Variants in VANGL1 observed in about 807,000 individuals in gnomAD.
The protein encoded by VANGL1 is vang-like protein 1.
Under a neutral mutation model 48.4 loss-of-function variants are expected in VANGL1, and 18 were observed. The ratio of observed to expected loss-of-function variants is 0.37; its 90% confidence interval spans 0.26 to 0.55. The LOEUF (loss-of-function observed/expected upper bound fraction) is 0.55. Ranked by LOEUF, VANGL1 falls within the 20% of genes least tolerant of loss-of-function variation. The pLI, the probability that VANGL1 is intolerant of heterozygous loss-of-function variation, is 0.81. For missense variants in VANGL1, 667 were observed against 675.8 expected, an observed-to-expected ratio of 0.99 and a Z score of 0.14; for synonymous variants, 257 against 261.8, an observed-to-expected ratio of 0.98 and a Z score of 0.18.
chr1:115,653,823 T>C (rs1218970848), intron 2 of VANGL1, among the ~76,000 whole-genome samples: 1 of 152,210 alleles, frequency 6.6e-6, no homozygotes, highest in Non-Finnish European at 1.5e-5. Flanking sequence ...ATTCAAAAAA[T>C]GTTCCTGGAT....
At chr1:115,684,845 T>G (rs1460218620) in intron 6 of VANGL1, among the ~76,000 whole-genome samples, 1 of 152,162 alleles carries the variant, frequency 6.6e-6, no homozygotes, top group Non-Finnish European at 1.5e-5. Context: ...GCTGCTGGTG[T>G]GGGTGGCTGG....
intron 3 of VANGL1, 32 bp from the exon 4 acceptor site, chr1:115,663,629 T>C (rs762843009): frequency 3.1e-6 from 5 of 1,613,964 alleles, no homozygotes; most frequent in Non-Finnish European, 3.4e-6. Context: ...ATGACCTGTG[T>C]CATGTCATCC....
Position 115,688,647 on chromosome 1 carries a change from G to A in VANGL1, c.1315-2472G>A, listed in dbSNP as rs1211274807. 1.5e-5 allele frequency among the ~76,000 whole-genome samples: 2 copies of A among 137,246 alleles called. 1 individual carries two copies. Among genetic ancestry groups the A allele is most frequent in the African/African-American group, 5.5e-5 (2 of 36,396 alleles). 90.0% of individuals were successfully genotyped at this position (137,246 alleles called of 152,430 possible). A position where few individuals can be genotyped will look rare whatever the true frequency, so the allele number is the denominator to read the frequency against. On this transcript the variant is annotated intron_variant, in intron 7 of 7. Transcript: ENST00000355485. ...ATCCTACCAAATTGCCCTCCTAGGG[G>A]GTGTACTTTTGCATGCTTTGCCTCT...
chr1:115,666,557 C>T (rs1652798148), intron 4 of VANGL1, among the ~76,000 whole-genome samples: 1 of 152,150 alleles, frequency 6.6e-6, no homozygotes, highest in African/African-American at 2.4e-5. Context: ...CTTACCATGA[C>T]CAACAACTGT....
chr1:115,682,271 G>A, intron 4 of VANGL1, 93 bp from the exon 5 acceptor site: 1 of 1,526,414 alleles, frequency 6.6e-7, no homozygotes, highest in Non-Finnish European at 8.9e-7. Flanking sequence ...TTGATGTTGT[G>A]TTCCTTTACC....
In VANGL1 at chr1:115,694,158, A is replaced by G. The variant is rs1160976404; in HGVS notation, c.*2779A>G. 1 of 152,232 alleles carries G rather than the reference A, an allele frequency of 6.6e-6. No individual in the cohort carries two copies. Among genetic ancestry groups the G allele is most frequent in the Non-Finnish European group, 1.5e-5 (1 of 68,040 alleles). The allele number at this position is 152,232 out of a possible 1,614,324, so 9.4% of individuals were successfully genotyped here. A position where few individuals can be genotyped will look rare whatever the true frequency, so the allele number is the denominator to read the frequency against. ...CATTCTCAGAGAGGATTTTAAAGCT[A>G]TATAGTTCATCCATCCTTTGCATTA... On this transcript the variant is annotated 3_prime_UTR_variant, in exon 8 of 8. Transcript: ENST00000355485.
chr1:115,663,207 A>G (rs1570750002), intron 3 of VANGL1, among the ~76,000 whole-genome samples: 1 of 152,118 alleles, frequency 6.6e-6, no homozygotes, highest in South Asian at 2.1e-4. Context: ...TAATACTCCC[A>G]CCTCCAAAAG....
chr1:115,691,262 G>A lies in VANGL1; in HGVS notation c.1458G>A (p.Leu486=). The A allele has an allele frequency of 1.9e-6, 3 of 1,614,052 alleles. No homozygotes were observed. The highest frequency in any genetic ancestry group is 2.5e-6 in the Non-Finnish European group (3 of 1,180,016). The change falls in exon 8 of 8, where the codon TTG becomes TTA. Residue 486 remains leucine (L), a synonymous_variant. Coordinates refer to ENST00000355485, the MANE Select transcript of VANGL1 (RefSeq NM_138959.3). ...RDGIVFVLKC[L]DFSLVVNVKK... ...GAATTGTGTTCGTCCTTAAGTGCTT[G>A]GACTTCAGCCTCGTAGTCAATGTGA...
At chr1:115,684,114 C>T (rs765228221) in intron 6 of VANGL1, 38 bp downstream of exon 6, 2 of 1,551,358 alleles carry the variant, frequency 1.3e-6, no homozygotes, top group Non-Finnish European at 8.7e-7. Context: ...CTCTTACAGA[C>T]TTTTAAATTT....
rs1653432088 is a variant in VANGL1, at chr1:115,682,508, T to G, written c.946+11T>G. The G allele has an allele frequency of 6.2e-7, 1 of 1,614,024 alleles. No individual in the cohort carries two copies. On this transcript the variant is annotated intron_variant, in intron 5 of 7. Coordinates refer to ENST00000355485, the MANE Select transcript of VANGL1 (RefSeq NM_138959.3). Reference sequence around the variant, plus strand: ...TCTACAATGTAGATGGTATGTGCCTTGAAAGGGTGTCCGTGGTGCTCACAG... The same window carrying G: ...TCTACAATGTAGATGGTATGTGCCTGGAAAGGGTGTCCGTGGTGCTCACAG...
rs34059106 is a variant in VANGL1 at position 115,684,037 on chromosome 1, A to C, written c.1040A>C (p.Glu347Ala). The C allele has an allele frequency of 2.9e-3, 4,656 of 1,614,124 alleles. 112 individuals carry two copies. In the African/African-American group the frequency reaches 0.055, roughly 19 times the overall value. ...AGCCACAACGAGTTGTATTATGAAG[A>C]GGCCGAACATGAACGGCGAGTAAAG... Reference protein sequence around the residue: ...DSSHNELYYEEAEHERRVKKR... With the variant: ...DSSHNELYYEAAEHERRVKKR... The change falls in exon 6 of 8, where the codon GAG (glutamate) becomes GCG (alanine). Residue 347 changes from glutamate to alanine, a missense_variant. Coordinates refer to ENST00000355485, the MANE Select transcript of VANGL1 (RefSeq NM_138959.3).
chr1:115,674,892 A>G (rs1653108234), intron 4 of VANGL1, among the ~76,000 whole-genome samples: 3 of 152,194 alleles, frequency 2.0e-5, no homozygotes, highest in Non-Finnish European at 4.4e-5. Flanking sequence ...AGAAGCCACA[A>G]TCAAGTTCAA....
At chr1:115,681,478 C>T (rs552053845) in intron 4 of VANGL1, among the ~76,000 whole-genome samples, 1 of 150,448 alleles carries the variant, frequency 6.6e-6, no homozygotes, top group African/African-American at 2.4e-5. Context: ...CAAGTGGTCT[C>T]AGCGGAGGCT....
At chr1:115,682,604 T>C in intron 5 of VANGL1, 107 bp downstream of exon 5, 1 of 1,526,848 alleles carries the variant, frequency 6.5e-7, no homozygotes, top group Middle Eastern at 1.7e-4. Context: ...CCTACCTTTA[T>C]GGTACATTCT....
In VANGL1 at chr1:115,691,038, G is replaced by GT. The variant is rs1653808535; in HGVS notation, c.1315-80dup. ...TATTTGGAAAAAGTTCTTTATAGAT[G>GT]TGAGAGTGGATAGCCGCCTGGCAGT... On this transcript the variant is annotated intron_variant, in intron 7 of 7. Transcript: ENST00000355485. 25 of 1,602,138 alleles carry GT rather than the reference G, an allele frequency of 1.6e-5. 1 individual carries two copies. The South Asian group carries it at 2.4e-4, about 16-fold the overall frequency.
chr1:115,659,641 G>T lies in VANGL1; in HGVS notation c.72G>T (p.Gly24=). The change falls in exon 3 of 8, where the codon GGG becomes GGT. Residue 24 remains glycine, a splice_region_variant and synonymous_variant. Coordinates refer to ENST00000355485, the MANE Select transcript of VANGL1 (RefSeq NM_138959.3). ...SSHSKKSHRQ[G]ERTRERHKSP... is the part of the protein sequence containing the mutation. ...GTGCTAGCTCATTGTTGTTTTTCAG[G>T]GAAAGAACTAGAGAGAGACACAAGT... 6.2e-7 allele frequency: 1 copy of T among 1,613,906 alleles called. No homozygotes were observed. Among genetic ancestry groups the T allele is most frequent in the Non-Finnish European group, 8.5e-7 (1 of 1,179,972 alleles).
At chr1:115,668,807 T>G (rs948188980) in intron 4 of VANGL1, among the ~76,000 whole-genome samples, 6 of 152,220 alleles carry the variant, frequency 3.9e-5, no homozygotes, top group Non-Finnish European at 5.9e-5. Context: ...GCTAGACTTC[T>G]TAAATGGCAG....
chr1:115,673,333 CT>C (rs1653052059), intron 4 of VANGL1, among the ~76,000 whole-genome samples: 1 of 152,218 alleles, frequency 6.6e-6, no homozygotes, highest in South Asian at 2.1e-4. Flanking sequence ...TCCTAAGTAG[CT>C]TCCCCTTAGT....
intron 1 of VANGL1, among the ~76,000 whole-genome samples, chr1:115,650,893 A>G (rs889263345): frequency 6.6e-6 from 1 of 151,566 alleles, no homozygotes; most frequent in Non-Finnish European, 1.5e-5. Flanking sequence ...CTTAAAAGCA[A>G]CTTCGCTGGG....
Sources: gnomAD v4.1 joint callset for allele counts (sites outside exome capture counted in the v4.1 genomes callset) on GRCh38, gnomAD v4.1.1 for gene constraint, MANE v1.5 for transcripts, NCBI Gene and HGNC (gene_info 2026-07-23, HGNC 2026-07-21) for gene names.